Variants in NPAS3 observed in about 807,000 individuals in gnomAD.
The protein encoded by NPAS3 is neuronal PAS domain protein 3.
A neutral mutation model predicts 73.1 loss-of-function variants in NPAS3; 14 were observed. That is an observed-to-expected ratio of 0.19 (90% CI 0.13 to 0.30). The LOEUF is 0.30. Among genes scored for constraint, NPAS3 ranks in the 10% least tolerant of loss-of-function variants. NPAS3 has a pLI of 1.00. For missense variants in NPAS3, 1,096 were observed against 1,250.0 expected (o/e 0.88, Z 1.86); for synonymous variants, 620 against 541.5 (o/e 1.14, Z -2.01).
intron 4 of NPAS3, among the ~76,000 whole-genome samples, chr14:33,499,290 T>C (rs2052396057): frequency 6.6e-6 from 1 of 151,856 alleles, no homozygotes; most frequent in Non-Finnish European, 1.5e-5. Flanking sequence ...AAATAAAATA[T>C]TAAATTTGTA....
chr14:33,179,815 GA>G (rs2045726508), intron 2 of NPAS3, among the ~76,000 whole-genome samples: 3 of 152,288 alleles, frequency 2.0e-5, no homozygotes, highest in Admixed American at 2.0e-4. Context: ...AGGGCATGAA[GA>G]AAATCTTTTA....
intron 4 of NPAS3, among the ~76,000 whole-genome samples, chr14:33,490,315 A>G (rs1317864601): frequency 2.6e-5 from 4 of 152,142 alleles, no homozygotes. Flanking sequence ...ACACTTGGAG[A>G]GAAAATTGCT....
At chr14:33,659,418 C>T (rs1200358441) in intron 5 of NPAS3, among the ~76,000 whole-genome samples, 1 of 152,172 alleles carries the variant, frequency 6.6e-6, no homozygotes, top group African/African-American at 2.4e-5. Context: ...GGACATAGCT[C>T]ATTGTGTCTA....
At chr14:33,471,084 C>G (rs750629136) in intron 4 of NPAS3, among the ~76,000 whole-genome samples, 4 of 152,166 alleles carry the variant, frequency 2.6e-5, no homozygotes, top group Non-Finnish European at 5.9e-5. Flanking sequence ...GAGAGCTCTG[C>G]GCATATTAGG....
chr14:33,658,780 G>C (rs890818469), intron 5 of NPAS3, among the ~76,000 whole-genome samples: 1 of 152,144 alleles, frequency 6.6e-6, no homozygotes, highest in Non-Finnish European at 1.5e-5. Flanking sequence ...TTTTGGTTCA[G>C]CATGAGACCC....
intron 6 of NPAS3, among the ~76,000 whole-genome samples, chr14:33,684,630 C>G (rs760903222): frequency 6.6e-6 from 1 of 152,210 alleles, no homozygotes; most frequent in Non-Finnish European, 1.5e-5. Context: ...TAAACTCATA[C>G]CACAGTGATC....
At chr14:33,435,068 C>G (rs2048932718) in intron 4 of NPAS3, among the ~76,000 whole-genome samples, 1 of 152,196 alleles carries the variant, frequency 6.6e-6, no homozygotes, top group African/African-American at 2.4e-5. Flanking sequence ...GTCTCTCAGA[C>G]TTCTGCAAAA....
intron 2 of NPAS3, among the ~76,000 whole-genome samples, chr14:33,172,748 A>G (rs890005625): frequency 6.6e-6 from 1 of 152,134 alleles, no homozygotes; most frequent in Non-Finnish European, 1.5e-5. Flanking sequence ...TTAAAAAAAA[A>G]AAAAATTAAA....
At position 33,800,965 on chromosome 14, in the gene NPAS3, C is replaced by G. The variant is rs139403103; in HGVS notation, c.2658C>G (p.Gly886=). Residue 886 remains glycine, a synonymous_variant, in exon 12 of 12, where the codon GGC becomes GGG. Coordinates refer to ENST00000356141, the Ensembl canonical transcript of NPAS3. This position sits in a 1 kb window ranked among gnomAD's most constrained non-coding sequence, Gnocchi z 6.5. Reference sequence around the variant, plus strand: ...GGCTCAACATGTCAGGACCGTTCGGCGGCGCAGTGAGCGCAGCTAGCCTGA... The same window carrying G: ...GGCTCAACATGTCAGGACCGTTCGGGGGCGCAGTGAGCGCAGCTAGCCTGA... The G allele has an allele frequency of 1.6e-4, 260 of 1,598,000 alleles. 1 individual carries two copies. In the African/African-American group the frequency reaches 2.5e-3, roughly 16 times the overall value.
At chr14:33,371,468 A>T (rs1317881611) in intron 4 of NPAS3, among the ~76,000 whole-genome samples, 1 of 152,082 alleles carries the variant, frequency 6.6e-6, no homozygotes, top group Non-Finnish European at 1.5e-5. Context: ...AGAGATGAAA[A>T]CCTAACTCTT....
intron 4 of NPAS3, among the ~76,000 whole-genome samples, chr14:33,411,718 T>A (rs1396713151): frequency 1.3e-5 from 2 of 152,150 alleles, no homozygotes; most frequent in African/African-American, 4.8e-5. Flanking sequence ...ATGCCTTGCT[T>A]TTCTCCTCTT....
intron 2 of NPAS3, among the ~76,000 whole-genome samples, chr14:33,159,453 G>C (rs1259503119): frequency 1.3e-5 from 2 of 151,500 alleles, no homozygotes; most frequent in African/African-American, 2.4e-5. Flanking sequence ...GATTTCTTTT[G>C]TCCAAAACTT....
At chr14:33,508,668 G>C (rs923216197) in intron 4 of NPAS3, among the ~76,000 whole-genome samples, 1 of 152,022 alleles carries the variant, frequency 6.6e-6, no homozygotes, top group Non-Finnish European at 1.5e-5. Context: ...TTACAGCCAG[G>C]AAGGAGAGAG....
intron 3 of NPAS3, among the ~76,000 whole-genome samples, chr14:33,307,947 A>G (rs1349365841): frequency 6.6e-6 from 1 of 152,082 alleles, no homozygotes; most frequent in Non-Finnish European, 1.5e-5. Flanking sequence ...CCCCTCATGT[A>G]GCGCCACATC....
chr14:33,498,285 G>A (rs749686514), intron 4 of NPAS3, among the ~76,000 whole-genome samples: 2 of 152,104 alleles, frequency 1.3e-5, no homozygotes, highest in African/African-American at 2.4e-5. Context: ...ACAGTGTGGC[G>A]ATTCTTCAAG....
chr14:33,242,286 A>G (rs1475710382), intron 3 of NPAS3, among the ~76,000 whole-genome samples: 1 of 152,240 alleles, frequency 6.6e-6, no homozygotes, highest in Non-Finnish European at 1.5e-5. Context: ...TAGATTTTCT[A>G]CATTTGACAG....
At chr14:33,238,583 A>G (rs1566711810) in intron 3 of NPAS3, among the ~76,000 whole-genome samples, 1 of 152,002 alleles carries the variant, frequency 6.6e-6, no homozygotes, top group East Asian at 1.9e-4. Flanking sequence ...TTTCTGCTGC[A>G]TGTTGTTTTA....
intron 2 of NPAS3, among the ~76,000 whole-genome samples, chr14:33,115,047 T>C (rs754046546): frequency 6.6e-6 from 1 of 152,134 alleles, no homozygotes; most frequent in Non-Finnish European, 1.5e-5. Context: ...CATGATAGAC[T>C]AGAATCTCAA....
chr14:33,490,276 G>C (rs542041723), intron 4 of NPAS3, among the ~76,000 whole-genome samples: 1 of 152,164 alleles, frequency 6.6e-6, no homozygotes, highest in South Asian at 2.1e-4. Flanking sequence ...TAGCTTTTCT[G>C]TTTTATATTA....
Sources: allele counts gnomAD v4.1 joint callset (sites outside exome capture counted in the v4.1 genomes callset), GRCh38; gene constraint gnomAD v4.1.1; non-coding constraint Gnocchi (gnomAD v3.1); transcripts MANE v1.5; gene names NCBI Gene and HGNC (gene_info 2026-07-23, HGNC 2026-07-21).